Variants in ACKR3 observed in about 807,000 individuals in gnomAD.
ACKR3 encodes the protein atypical chemokine receptor 3, also known as C-X-C chemokine receptor type 7.
A neutral mutation model predicts 22.4 loss-of-function variants in ACKR3; 6 were observed. That is an observed-to-expected ratio of 0.27 (90% CI 0.15 to 0.53). The LOEUF is 0.53. Among genes scored for constraint, ACKR3 ranks in the 20% least tolerant of loss-of-function variants. ACKR3 has a pLI of 0.96. For synonymous variants in ACKR3, 209 were observed against 205.2 expected (o/e 1.02, Z -0.16); for missense variants, 396 against 475.2 (o/e 0.83, Z 1.55).
intron 1 of ACKR3, among the ~76,000 whole-genome samples, chr2:236,573,471 CAAA>C (rs1691350132): frequency 6.6e-6 from 1 of 152,168 alleles, no homozygotes. Context: ...TCCAGGTGTG[CAAA>C]CAGTGAGGGC....
the ACKR3 span, among the ~76,000 whole-genome samples, chr2:236,557,635 T>C: frequency 6.6e-6 from 1 of 152,128 alleles, no homozygotes; most frequent in African/African-American, 2.4e-5. Flanking sequence ...TTCATACAGA[T>C]GGAAATAAAC....
the ACKR3 span, among the ~76,000 whole-genome samples, chr2:236,553,181 G>A: frequency 6.8e-6 from 1 of 147,416 alleles, no homozygotes; most frequent in Non-Finnish European, 1.5e-5. Flanking sequence ...GGGAGAGCAG[G>A]TGATATCCCT....
chr2:236,571,457 A>T (rs1490721063), intron 1 of ACKR3, among the ~76,000 whole-genome samples: 1 of 152,150 alleles, frequency 6.6e-6, no homozygotes, highest in Non-Finnish European at 1.5e-5. Flanking sequence ...CGTAGTTTTA[A>T]AAAAGTTCCA....
Position 236,577,174 on chromosome 2 carries a change from G to A in ACKR3, c.-26-3266G>A, listed in dbSNP as rs554206398. Among the ~76,000 whole-genome samples, 1 of 152,288 alleles carries A rather than the reference G, an allele frequency of 6.6e-6. No homozygotes were observed. The highest frequency in any genetic ancestry group is 2.1e-4 in the South Asian group (1 of 4,812). On this transcript the variant is annotated intron_variant, in intron 1 of 1. Transcript: ENST00000272928. This position sits in a 1 kb window ranked among gnomAD's most constrained non-coding sequence, Gnocchi z 5.6. Reference sequence around the variant, plus strand: ...AGTGATGATAGGTGGCCGGTGATCGGTGGGGCAGTGAGGAGCTCCAGCCTC... The same window carrying A: ...AGTGATGATAGGTGGCCGGTGATCGATGGGGCAGTGAGGAGCTCCAGCCTC...
At chr2:236,546,111 C>T in the ACKR3 span, among the ~76,000 whole-genome samples, 1 of 152,220 alleles carries the variant, frequency 6.6e-6, no homozygotes, top group Non-Finnish European at 1.5e-5. This position sits in a 1 kb window ranked among gnomAD's most constrained non-coding sequence, Gnocchi z 4.9. Flanking sequence ...CGATGTTTTG[C>T]TCCCGTACCA....
chr2:236,565,667 T>G (rs1342076013), upstream of ACKR3, among the ~76,000 whole-genome samples: 1 of 152,240 alleles, frequency 6.6e-6, no homozygotes, highest in Admixed American at 6.5e-5. Context: ...TTTTCTCCTG[T>G]TAATCTATCT....
chr2:236,581,685 C>T lies in ACKR3; in HGVS notation c.*131C>T. The T allele has an allele frequency of 1.8e-6, 2 of 1,136,906 alleles. No individual in the cohort carries two copies. Among genetic ancestry groups the T allele is most frequent in the East Asian group, 2.5e-5 (1 of 39,426 alleles). The allele number at this position is 1,136,906 out of a possible 1,614,324, so 70.4% of individuals were successfully genotyped here. A position where few individuals can be genotyped will look rare whatever the true frequency, so the allele number is the denominator to read the frequency against. On this transcript the variant is annotated 3_prime_UTR_variant, in exon 2 of 2. Transcript: ENST00000272928. This position sits in a 1 kb window ranked among gnomAD's most constrained non-coding sequence, Gnocchi z 4.4. ...AGTAGAGTGAAGAGGGGAGCACGTG[C>T]CCCCTGCATCCATTCTCTCTTTCTC...
In ACKR3 at chr2:236,581,164, C is replaced by T; in HGVS notation, c.699C>T (p.Phe233=). The T allele has an allele frequency of 6.2e-7, 1 of 1,614,030 alleles. No homozygotes were observed. Among genetic ancestry groups the T allele is most frequent in the Non-Finnish European group, 8.5e-7 (1 of 1,179,864 alleles). ...VPFSIIAVFY[F]LLARAISASS... ...TCTCCATTATCGCTGTCTTCTACTT[C>T]CTGCTGGCCAGAGCCATCTCGGCGT... The change falls in exon 2 of 2, where the codon TTC becomes TTT. Residue 233 remains phenylalanine, a synonymous_variant. Coordinates refer to ENST00000272928, the MANE Select transcript of ACKR3 (RefSeq NM_020311.3). This position sits in a 1 kb window ranked among gnomAD's most constrained non-coding sequence, Gnocchi z 4.4.
chr2:236,562,246 T>A, the ACKR3 span, among the ~76,000 whole-genome samples: 1 of 152,266 alleles, frequency 6.6e-6, no homozygotes, highest in African/African-American at 2.4e-5. Flanking sequence ...TTTATTAATT[T>A]AGCAAGTTAT....
intron 1 of ACKR3, among the ~76,000 whole-genome samples, chr2:236,572,583 C>T (rs534116974): frequency 2.0e-5 from 3 of 152,174 alleles, no homozygotes; most frequent in East Asian, 1.9e-4. Context: ...TGGCTTAGGG[C>T]GGGGGTGAGG....
upstream of ACKR3, among the ~76,000 whole-genome samples, chr2:236,564,932 A>C (rs1691149304): frequency 6.6e-6 from 1 of 152,184 alleles, no homozygotes; most frequent in Non-Finnish European, 1.5e-5. Context: ...TGTGAAGATA[A>C]AATGAAAGAA....
chr2:236,579,256 G>A (rs919675999), intron 1 of ACKR3, among the ~76,000 whole-genome samples: 1 of 152,180 alleles, frequency 6.6e-6, no homozygotes, highest in African/African-American at 2.4e-5. Flanking sequence ...AATGAACTCG[G>A]TAAATAATGT....
intron 1 of ACKR3, among the ~76,000 whole-genome samples, chr2:236,572,966 A>G (rs1211998209): frequency 1.3e-5 from 2 of 152,236 alleles, no homozygotes; most frequent in Admixed American, 1.3e-4. Flanking sequence ...ATGTACTTGC[A>G]TAAAATAAGA....
At chr2:236,580,092 C>A (rs1691487484) in intron 1 of ACKR3, among the ~76,000 whole-genome samples, 1 of 152,208 alleles carries the variant, frequency 6.6e-6, no homozygotes, top group Admixed American at 6.5e-5. Context: ...GTGGCCGGGG[C>A]TCAGCTGCCT....
the ACKR3 span, among the ~76,000 whole-genome samples, chr2:236,559,351 G>A: frequency 6.6e-6 from 1 of 152,166 alleles, no homozygotes; most frequent in Non-Finnish European, 1.5e-5. Flanking sequence ...TCTAACAATT[G>A]TGAATATTTT....
chr2:236,554,305 G>A, the ACKR3 span, among the ~76,000 whole-genome samples: 1 of 152,220 alleles, frequency 6.6e-6, no homozygotes. Flanking sequence ...AAGGCATCAG[G>A]AAGAAAGTAA....
chr2:236,559,178 T>A, the ACKR3 span, among the ~76,000 whole-genome samples: 1 of 152,246 alleles, frequency 6.6e-6, no homozygotes, highest in Non-Finnish European at 1.5e-5. Context: ...CTTTTCTGTG[T>A]CAAACTTTAC....
At chr2:236,576,415 C>T (rs558200510) in intron 1 of ACKR3, among the ~76,000 whole-genome samples, 46 of 152,236 alleles carry the variant, frequency 3.0e-4, no homozygotes, top group South Asian at 8.3e-4. Flanking sequence ...GTGCAGGGCC[C>T]GCTGGGGGTT....
At chr2:236,556,645 T>G in the ACKR3 span, among the ~76,000 whole-genome samples, 22 of 152,228 alleles carry the variant, frequency 1.4e-4, 2 homozygotes, top group African/African-American at 5.1e-4. Flanking sequence ...CACATTGATC[T>G]CAGCCCAGGA....
Sources: gnomAD v4.1 joint callset for allele counts (sites outside exome capture counted in the v4.1 genomes callset) on GRCh38, gnomAD v4.1.1 for gene constraint, Gnocchi (gnomAD v3.1) non-coding constraint, MANE v1.5 for transcripts, NCBI Gene and HGNC (gene_info 2026-07-23, HGNC 2026-07-21) for gene names.